Variants in FBXL7 observed in about 807,000 individuals in gnomAD.
FBXL7 encodes F-box and leucine rich repeat protein 7.
In FBXL7, 12 loss-of-function variants were observed where a neutral mutation model predicts 38.3. The observed-to-expected ratio is 0.31, with a 90% CI of 0.20 to 0.51. The LOEUF is 0.51. Among genes scored for constraint, FBXL7 ranks in the 20% least tolerant of loss-of-function variants. The pLI, the probability that FBXL7 is intolerant of heterozygous loss-of-function variation, is 0.98. For missense variants in FBXL7, 567 were observed against 676.4 expected, an observed-to-expected ratio of 0.84 and a Z score of 1.79; for synonymous variants, 297 against 300.9, an observed-to-expected ratio of 0.99 and a Z score of 0.13.
intron 2 of FBXL7, among the ~76,000 whole-genome samples, chr5:15,636,720 T>A (rs1161135690): frequency 6.6e-6 from 1 of 151,880 alleles, no homozygotes; most frequent in South Asian, 2.1e-4. Context: ...TGATTATTTA[T>A]GTTGGCTTTT....
At chr5:15,905,466 C>A (rs1457617061) in intron 2 of FBXL7, among the ~76,000 whole-genome samples, 1 of 151,916 alleles carries the variant, frequency 6.6e-6, no homozygotes, top group East Asian at 1.9e-4. Flanking sequence ...CACCCTGAGG[C>A]TTCCATCTGG....
chr5:15,805,060 G>A (rs927214883), intron 2 of FBXL7, among the ~76,000 whole-genome samples: 1 of 152,124 alleles, frequency 6.6e-6, no homozygotes, highest in Non-Finnish European at 1.5e-5. Context: ...CACCTCACCT[G>A]CTCTCTGTAT....
intron 2 of FBXL7, among the ~76,000 whole-genome samples, chr5:15,843,145 A>G (rs1738794865): frequency 6.6e-6 from 1 of 152,190 alleles, no homozygotes; most frequent in Non-Finnish European, 1.5e-5. Flanking sequence ...TTTTCTACAT[A>G]TGTATAGTGT....
rs546552873 is a variant in FBXL7 at position 15,860,135 on chromosome 5, A to G, written c.128-67755A>G. Among the ~76,000 whole-genome samples, 17 of 152,320 alleles carry G rather than the reference A, an allele frequency of 1.1e-4. No individual in the cohort carries two copies. The South Asian group carries it at 2.1e-3, about 19-fold the overall frequency. On this transcript the variant is annotated intron_variant, in intron 2 of 3. Transcript: ENST00000504595. ...AAAGCACATACTTCTAGGAAATCAA[A>G]GTTCAGCTGAGAAGACTAGGGAAAA...
intron 2 of FBXL7, among the ~76,000 whole-genome samples, chr5:15,794,244 T>C (rs1047177560): frequency 1.3e-5 from 2 of 152,220 alleles, no homozygotes; most frequent in Non-Finnish European, 2.9e-5. Context: ...ACCAGTTCCA[T>C]AGAAAGTTTT....
intron 2 of FBXL7, among the ~76,000 whole-genome samples, chr5:15,913,427 G>T (rs986288198): frequency 6.6e-6 from 1 of 152,108 alleles, no homozygotes; most frequent in Admixed American, 6.5e-5. Context: ...CTATGAAAGT[G>T]TTCTAATTAC....
intron 2 of FBXL7, among the ~76,000 whole-genome samples, chr5:15,791,034 GTTCTAGC>G: frequency 7.3e-6 from 1 of 136,510 alleles, no homozygotes; most frequent in South Asian, 2.5e-4. Context: ...AGGTACACCT[GTTCTAGC>G]CTCCTTGCTA....
intron 1 of FBXL7, among the ~76,000 whole-genome samples, chr5:15,568,069 G>C (rs1738645133): frequency 6.6e-6 from 1 of 152,102 alleles, no homozygotes; most frequent in Non-Finnish European, 1.5e-5. Flanking sequence ...GTGTGCATGT[G>C]TCTTTATAGC....
chr5:15,901,157 T>C (rs1372936423), intron 2 of FBXL7, among the ~76,000 whole-genome samples: 1 of 152,206 alleles, frequency 6.6e-6, no homozygotes, highest in Non-Finnish European at 1.5e-5. Context: ...CAGGATGCTG[T>C]AACAAAAATA....
chr5:15,789,460 T>C (rs1737218694), intron 2 of FBXL7, among the ~76,000 whole-genome samples: 1 of 151,970 alleles, frequency 6.6e-6, no homozygotes, highest in Non-Finnish European at 1.5e-5. Context: ...CCCATCCTCT[T>C]CTCCACCCCA....
chr5:15,529,209 T>C (rs1737346364), intron 1 of FBXL7, among the ~76,000 whole-genome samples: 1 of 152,216 alleles, frequency 6.6e-6, no homozygotes. Flanking sequence ...CTTAACATAA[T>C]ATTCTCCAAG....
At chr5:15,519,034 C>T (rs1469702274) in intron 1 of FBXL7, among the ~76,000 whole-genome samples, 1 of 152,068 alleles carries the variant, frequency 6.6e-6, no homozygotes, top group East Asian at 1.9e-4. Flanking sequence ...TCAGAGCCAA[C>T]CAGCATGAGT....
intron 2 of FBXL7, among the ~76,000 whole-genome samples, chr5:15,752,905 G>A (rs1290717189): frequency 2.0e-5 from 3 of 152,140 alleles, no homozygotes; most frequent in Non-Finnish European, 4.4e-5. Flanking sequence ...ATCATTGTTC[G>A]TTTTTATTTC....
chr5:15,861,602 G>C (rs1464628647), intron 2 of FBXL7, among the ~76,000 whole-genome samples: 1 of 152,168 alleles, frequency 6.6e-6, no homozygotes, highest in Admixed American at 6.6e-5. Flanking sequence ...CCAACCTCTG[G>C]TTTTAAGGCC....
rs571071918 is a variant in FBXL7 at position 15,620,076 on chromosome 5, A to G, written c.127+4004A>G. Among the ~76,000 whole-genome samples, 4 of 152,272 alleles carry G rather than the reference A, an allele frequency of 2.6e-5. No homozygotes were observed. The East Asian group carries it at 5.8e-4, about 22-fold the overall frequency. ...GAAGAATGTTACTGGGGAGATGACA[A>G]TGTTCTGAAATTGGATAGTGATGAT... On this transcript the variant is annotated intron_variant, in intron 2 of 3. Coordinates refer to ENST00000504595, the MANE Select transcript of FBXL7 (RefSeq NM_012304.5).
chr5:15,512,955 A>C (rs1580345387), intron 1 of FBXL7, among the ~76,000 whole-genome samples: 1 of 152,324 alleles, frequency 6.6e-6, no homozygotes, highest in East Asian at 1.9e-4. Context: ...TCTCTGTGTT[A>C]AAGAGTCTTA....
At chr5:15,693,894 A>G (rs1743255433) in intron 2 of FBXL7, among the ~76,000 whole-genome samples, 1 of 152,088 alleles carries the variant, frequency 6.6e-6, no homozygotes, top group South Asian at 2.1e-4. Flanking sequence ...CCATTCAATA[A>G]AACCTTGCAC....
intron 2 of FBXL7, among the ~76,000 whole-genome samples, chr5:15,716,049 A>G (rs1354129332): frequency 6.6e-6 from 1 of 152,234 alleles, no homozygotes; most frequent in Admixed American, 6.5e-5. Flanking sequence ...AAGCTGTGTC[A>G]GTGTTTTTAA....
At chr5:15,807,143 C>T (rs932624800) in intron 2 of FBXL7, among the ~76,000 whole-genome samples, 5 of 151,964 alleles carry the variant, frequency 3.3e-5, no homozygotes, top group African/African-American at 7.3e-5. Flanking sequence ...TATTTCATCA[C>T]GTTGGTCAGG....
Sources: allele counts gnomAD v4.1 joint callset (sites outside exome capture counted in the v4.1 genomes callset), GRCh38; gene constraint gnomAD v4.1.1; transcripts MANE v1.5; gene names NCBI Gene and HGNC (gene_info 2026-07-23, HGNC 2026-07-21).